The following UBE2E3 variants were observed in gnomAD, a reference collection of about 807,000 sequenced individuals.
The protein encoded by UBE2E3 is ubiquitin conjugating enzyme E2 E3.
A neutral mutation model predicts 23.6 loss-of-function variants in UBE2E3; 5 were observed. The observed-to-expected ratio is 0.21, with a 90% CI of 0.11 to 0.44. The LOEUF is 0.44. Among genes scored for constraint, UBE2E3 ranks in the 20% least tolerant of loss-of-function variants. UBE2E3 has a pLI of 0.99. For synonymous variants in UBE2E3, 78 were observed against 87.5 expected (o/e 0.89, Z 0.60); for missense variants, 81 against 249.8 (o/e 0.32, Z 4.55).
intron 3 of UBE2E3, among the ~76,000 whole-genome samples, chr2:181,051,213 G>T (rs909915174): frequency 6.6e-6 from 1 of 151,700 alleles, no homozygotes; most frequent in East Asian, 1.9e-4. Context: ...TAATCCTTCA[G>T]CTTAACTTTT....
chr2:181,027,930 A>G (rs1439979180), intron 3 of UBE2E3, among the ~76,000 whole-genome samples: 1 of 152,062 alleles, frequency 6.6e-6, no homozygotes, highest in Admixed American at 6.6e-5. Flanking sequence ...TAACAGTAAC[A>G]CAATACTGAT....
At chr2:180,987,874 CA>C in intron 3 of UBE2E3, among the ~76,000 whole-genome samples, 1 of 152,210 alleles carries the variant, frequency 6.6e-6, no homozygotes, top group Admixed American at 6.5e-5. Flanking sequence ...GTTAGAAATG[CA>C]GACTCTTGCT....
intron 3 of UBE2E3, among the ~76,000 whole-genome samples, chr2:181,053,366 T>C (rs1190305994): frequency 6.6e-6 from 1 of 151,876 alleles, no homozygotes; most frequent in East Asian, 1.9e-4. Flanking sequence ...CTTAGTTCTA[T>C]GGTCCAAATG....
rs1412087162 is a variant in UBE2E3 at position 180,990,063 on chromosome 2, G to C, written c.245+5970G>C. 13 of 1,271,592 alleles carry C rather than the reference G, an allele frequency of 1.0e-5. No individual in the cohort carries two copies. In the East Asian group the frequency reaches 3.1e-4, roughly 30 times the overall value. 78.8% of individuals were successfully genotyped at this position (1,271,592 alleles called of 1,614,324 possible). ...CCAATTTTGACAGGTAAGTATATTT[G>C]GGCATTTTAATTGGAATCTGGAAGC... is the stretch of plus-strand genomic sequence containing the variant. On this transcript the variant is annotated intron_variant, in intron 3 of 5. Transcript: ENST00000410062.
At chr2:181,035,048 A>G (rs191480033) in intron 3 of UBE2E3, among the ~76,000 whole-genome samples, 18 of 152,316 alleles carry the variant, frequency 1.2e-4, no homozygotes, top group African/African-American at 4.1e-4. Flanking sequence ...AAGCTACATA[A>G]TAAATATACA....
chr2:180,983,378 A>G (rs919764474), intron 2 of UBE2E3, among the ~76,000 whole-genome samples: 1 of 152,232 alleles, frequency 6.6e-6, no homozygotes, highest in Non-Finnish European at 1.5e-5. Flanking sequence ...TTTTGAAATC[A>G]TCTTAAATTT....
intron 3 of UBE2E3, among the ~76,000 whole-genome samples, chr2:181,017,366 A>T (rs1253219662): frequency 1.3e-5 from 2 of 151,948 alleles, no homozygotes. Flanking sequence ...AGCCTTAGGG[A>T]TGGTTGCGTC....
intron 3 of UBE2E3, among the ~76,000 whole-genome samples, chr2:181,021,891 A>T (rs940334693): frequency 5.3e-5 from 8 of 152,074 alleles, no homozygotes; most frequent in Non-Finnish European, 1.0e-4. Context: ...TGCATCTAAA[A>T]GTTTAGAGTA....
rs537378319 is a variant in UBE2E3 at position 181,038,794 on chromosome 2, A to G, written c.246-18899A>G. Among the ~76,000 whole-genome samples the G allele has an allele frequency of 4.6e-5, 7 of 152,354 alleles. No homozygotes were observed. The South Asian group carries it at 1.0e-3, about 23-fold the overall frequency. ...GACAAAAGATTTGAATAGAGATGTT[A>G]CTGATGAAGCTGTATGAATAACAGT... On this transcript the variant is annotated intron_variant, in intron 3 of 5. Transcript: ENST00000410062.
At chr2:181,045,784 T>A (rs1574216764) in intron 3 of UBE2E3, among the ~76,000 whole-genome samples, 1 of 152,224 alleles carries the variant, frequency 6.6e-6, no homozygotes, top group East Asian at 1.9e-4. Flanking sequence ...GGAGATTTTC[T>A]CCACACTGTT....
intron 3 of UBE2E3, among the ~76,000 whole-genome samples, chr2:181,026,618 T>G (rs941602078): frequency 6.6e-6 from 1 of 151,458 alleles, no homozygotes; most frequent in Non-Finnish European, 1.5e-5. Context: ...ATCTGGAGAT[T>G]AGTTAAAGTT....
intron 3 of UBE2E3, among the ~76,000 whole-genome samples, chr2:180,995,013 T>C (rs1224412154): frequency 6.6e-6 from 1 of 152,206 alleles, no homozygotes; most frequent in Non-Finnish European, 1.5e-5. Flanking sequence ...TGTAGCCACC[T>C]CCTGTTGCTG....
At position 180,984,101 on chromosome 2, in the gene UBE2E3, A is replaced by C. The variant is rs768747088; in HGVS notation, c.245+8A>C. ...TCCTCCTCCTAATTGCAGGTAAGAA[A>C]TGAATTTTGTTGTTTTGGTTTCAAA... On this transcript the variant is annotated splice_region_variant and intron_variant, in intron 3 of 5. Transcript: ENST00000410062. The C allele has an allele frequency of 1.2e-6, 2 of 1,609,386 alleles. No homozygotes were observed. Among genetic ancestry groups the C allele is most frequent in the Non-Finnish European group, 1.7e-6 (2 of 1,176,696 alleles).
At chr2:180,984,929 GAT>G (rs1684407699) in intron 3 of UBE2E3, among the ~76,000 whole-genome samples, 1 of 152,050 alleles carries the variant, frequency 6.6e-6, no homozygotes, top group Non-Finnish European at 1.5e-5. Flanking sequence ...TTTGTGAAGA[GAT>G]ATGTGCTCAA....
chr2:181,006,090 T>C (rs888131607), intron 3 of UBE2E3, among the ~76,000 whole-genome samples: 7 of 152,098 alleles, frequency 4.6e-5, no homozygotes, highest in African/African-American at 1.7e-4. Context: ...AAGAACAGAA[T>C]TGGGAGGCAT....
intron 3 of UBE2E3, among the ~76,000 whole-genome samples, chr2:181,018,370 G>GTGTA (rs934135466): frequency 1.3e-5 from 2 of 149,488 alleles, no homozygotes; most frequent in Middle Eastern, 3.2e-3. Context: ...CTGTGTGTGT[G>GTGTA]TATATATATA....
chr2:180,989,449 A>G lies in UBE2E3; in HGVS notation c.245+5356A>G, dbSNP rs541748266. 4.6e-5 allele frequency among the ~76,000 whole-genome samples: 7 copies of G among 152,248 alleles called. No individual in the cohort carries two copies. The East Asian group carries it at 1.2e-3, about 25-fold the overall frequency. On this transcript the variant is annotated intron_variant, in intron 3 of 5. Coordinates refer to ENST00000410062, the MANE Select transcript of UBE2E3 (RefSeq NM_006357.4). Reference sequence around the variant, plus strand: ...TCAGAGAAAATTTATTAAATATCCTATACATTCTTTACCTTTTTCATAATT... The same window carrying G: ...TCAGAGAAAATTTATTAAATATCCTGTACATTCTTTACCTTTTTCATAATT...
chr2:180,996,807 A>C (rs866628287), intron 3 of UBE2E3, among the ~76,000 whole-genome samples: 2 of 152,188 alleles, frequency 1.3e-5, no homozygotes, highest in Non-Finnish European at 2.9e-5. Context: ...TTCTTACATA[A>C]AATGTATGTT....
chr2:181,020,053 T>G lies in UBE2E3; in HGVS notation c.245+35960T>G, dbSNP rs561537017. Among the ~76,000 whole-genome samples, 8 of 152,310 alleles carry G rather than the reference T, an allele frequency of 5.3e-5. No homozygotes were observed. In the South Asian group the frequency reaches 1.7e-3, roughly 32 times the overall value. On this transcript the variant is annotated intron_variant, in intron 3 of 5. Transcript: ENST00000410062. ...TGTTCTACTCTTTGCATCTCTGAGT[T>G]TGACTACTGTATTTCTTATCTGTTT...
Sources: allele counts gnomAD v4.1 joint callset (sites outside exome capture counted in the v4.1 genomes callset), GRCh38; gene constraint gnomAD v4.1.1; transcripts MANE v1.5; gene names NCBI Gene and HGNC (gene_info 2026-07-23, HGNC 2026-07-21).